TOR1AIP1: variants seen among roughly 807,000 people sequenced by gnomAD.
TOR1AIP1 encodes the protein torsin 1A interacting protein 1.
In TOR1AIP1, 54 loss-of-function variants were observed where a neutral mutation model predicts 63.3. The ratio of observed to expected loss-of-function variants is 0.85; its 90% confidence interval spans 0.69 to 1.07. TOR1AIP1 has a LOEUF of 1.07. Among genes scored for constraint, TOR1AIP1 ranks in the 50% least tolerant of loss-of-function variants. TOR1AIP1 has a pLI of 0.00. For missense variants in TOR1AIP1, 736 were observed against 715.0 expected, an observed-to-expected ratio of 1.03 and a Z score of -0.33; for synonymous variants, 294 against 273.5, an observed-to-expected ratio of 1.07 and a Z score of -0.74.
intron 5 of TOR1AIP1, among the ~76,000 whole-genome samples, chr1:179,903,613 TCTC>T (rs2148477996): frequency 6.6e-6 from 1 of 152,186 alleles, no homozygotes; most frequent in African/African-American, 2.4e-5. Flanking sequence ...TTCAAGCAGT[TCTC>T]CTGCCCTAAG....
intron 6 of TOR1AIP1, among the ~76,000 whole-genome samples, chr1:179,907,609 A>ATATATATATATATATG (rs1553243770): frequency 8.6e-5 from 2 of 23,382 alleles, no homozygotes; most frequent in African/African-American, 1.0e-4. Flanking sequence ...ATATATATAT[A>ATATATATATATATATG]TATATATATG....
At chr1:179,911,245 G>A (rs1648823554) in intron 8 of TOR1AIP1, among the ~76,000 whole-genome samples, 1 of 152,174 alleles carries the variant, frequency 6.6e-6, no homozygotes, top group African/African-American at 2.4e-5. Context: ...TTCAAACACT[G>A]TTATATAATA....
chr1:179,902,649 A>G (rs546896650), intron 5 of TOR1AIP1, among the ~76,000 whole-genome samples: 3 of 152,248 alleles, frequency 2.0e-5, no homozygotes, highest in Admixed American at 2.0e-4. Context: ...GATTTGTAAC[A>G]CGCTGGTAGT....
In TOR1AIP1 at chr1:179,882,919, G is replaced by A. The variant is rs1309147239; in HGVS notation, c.417G>A (p.Pro139=). 3 of 1,614,064 alleles carry A rather than the reference G, an allele frequency of 1.9e-6. No individual in the cohort carries two copies. The highest frequency in any genetic ancestry group is 2.5e-6 in the Non-Finnish European group (3 of 1,180,018). Residue 139 remains proline, a synonymous_variant, in exon 1 of 10, where the codon CCG becomes CCA. Transcript: ENST00000606911. ...RLQQQHSEQP[P]LQPSPVMTRR... is the part of the protein sequence containing the mutation. Reference sequence around the variant, plus strand: ...AGCAGCAGCACTCAGAGCAGCCTCCGCTACAGCCGTCTCCTGTTATGACCA... The same window carrying A: ...AGCAGCAGCACTCAGAGCAGCCTCCACTACAGCCGTCTCCTGTTATGACCA...
At chr1:179,891,012 T>G (rs1327660359) in intron 3 of TOR1AIP1, among the ~76,000 whole-genome samples, 2 of 152,162 alleles carry the variant, frequency 1.3e-5, no homozygotes, top group Non-Finnish European at 2.9e-5. Flanking sequence ...AATACTAATT[T>G]ATTATGTCAG....
At chr1:179,904,339 T>C (rs1648560694) in intron 6 of TOR1AIP1, among the ~76,000 whole-genome samples, 1 of 152,228 alleles carries the variant, frequency 6.6e-6, no homozygotes, top group Non-Finnish European at 1.5e-5. Flanking sequence ...TTTGAGCCTA[T>C]TTATATGCAC....
intron 3 of TOR1AIP1, 87 bp from the exon 4 acceptor site, chr1:179,900,039 A>G: frequency 1.0e-6 from 1 of 992,426 alleles, no homozygotes; most frequent in Non-Finnish European, 1.5e-6. Flanking sequence ...CCTAAGCTTT[A>G]ACTTTTTTCC....
Position 179,917,432 on chromosome 1 carries a change from T to C in TOR1AIP1, c.965-20T>C. The stretch of plus-strand genomic sequence containing the variant: ...AAGAAAGTGGTATTTATATCTGTCA[T>C]TTCTTTTTTGTCTGAGTAGAAGTGA... On this transcript the variant is annotated intron_variant, in intron 9 of 9. Coordinates refer to ENST00000606911, the MANE Select transcript of TOR1AIP1 (RefSeq NM_015602.4). 6.3e-7 allele frequency: 1 copy of C among 1,584,044 alleles called. No homozygotes were observed.
chr1:179,913,216 A>G (rs1648895583), intron 8 of TOR1AIP1, among the ~76,000 whole-genome samples: 1 of 150,812 alleles, frequency 6.6e-6, no homozygotes, highest in South Asian at 2.1e-4. Flanking sequence ...CTGTCACCTC[A>G]GCCTCTTGAT....
At position 179,884,765 on chromosome 1, in the gene TOR1AIP1, T is replaced by G. The variant is rs1169755604; in HGVS notation, c.549T>G (p.Ala183=). The change falls in exon 2 of 10, where the codon GCT becomes GCG. Residue 183 remains alanine, a synonymous_variant. Transcript: ENST00000606911. ...AAACTGTCAGGAGCATACAAGAGGC[T>G]CCAGGTAAGAATAGTTAACTTTTTG... ...SKKTVRSIQE[A]PVSEDLVIRL... is the part of the protein sequence containing the mutation. The G allele has an allele frequency of 1.9e-6, 3 of 1,606,848 alleles. No individual in the cohort carries two copies. The highest frequency in any genetic ancestry group is 2.5e-6 in the Non-Finnish European group (3 of 1,177,906).
intron 4 of TOR1AIP1, among the ~76,000 whole-genome samples, chr1:179,901,050 G>GT (rs1218919371): frequency 1.3e-5 from 2 of 152,106 alleles, no homozygotes; most frequent in African/African-American, 4.8e-5. Context: ...AAGCCTTATA[G>GT]TTTTTTAGAT....
At chr1:179,912,801 C>A (rs554658110) in intron 8 of TOR1AIP1, among the ~76,000 whole-genome samples, 2 of 152,216 alleles carry the variant, frequency 1.3e-5, no homozygotes, top group South Asian at 2.1e-4. Flanking sequence ...GTCATATGAT[C>A]AAAAATAAGG....
In TOR1AIP1 at chr1:179,887,137, C is replaced by T. The variant is rs539586490; in HGVS notation, c.554-2176C>T. ...GACCTAGGCCCGGCATGGTGGCTCA[C>T]GCCTGTAATCCCAGCACTTTGGGAG... is the stretch of plus-strand genomic sequence containing the variant. On this transcript the variant is annotated intron_variant, in intron 2 of 9. Transcript: ENST00000606911. Among the ~76,000 whole-genome samples, 11 of 152,258 alleles carry T rather than the reference C, an allele frequency of 7.2e-5. No homozygotes were observed. The South Asian group carries it at 2.1e-3, about 29-fold the overall frequency.
chr1:179,905,961 A>G (rs1214175372), intron 6 of TOR1AIP1, among the ~76,000 whole-genome samples: 2 of 152,198 alleles, frequency 1.3e-5, no homozygotes, highest in Non-Finnish European at 2.9e-5. Context: ...TCAAAAAAAA[A>G]GAAATACTAT....
At chr1:179,898,270 T>A (rs1475317875) in intron 3 of TOR1AIP1, among the ~76,000 whole-genome samples, 1 of 152,144 alleles carries the variant, frequency 6.6e-6, no homozygotes, top group African/African-American at 2.4e-5. Context: ...CTATGAACCT[T>A]ACTTATGAAA....
chr1:179,900,055 TTTTG>T, intron 3 of TOR1AIP1, 67 bp from the exon 4 acceptor site: 1 of 1,225,536 alleles, frequency 8.2e-7, no homozygotes, highest in Non-Finnish European at 1.2e-6. Flanking sequence ...TTTCCTAAGC[TTTTG>T]TTTATTCCTA....
At chr1:179,885,877 A>T (rs1424777397) in intron 2 of TOR1AIP1, among the ~76,000 whole-genome samples, 1 of 152,080 alleles carries the variant, frequency 6.6e-6, no homozygotes, top group Non-Finnish European at 1.5e-5. Flanking sequence ...AGTAGCTGGG[A>T]TTACAGGCGC....
rs1649121761 is a variant in TOR1AIP1, at chr1:179,919,331, A to G, written c.*1092A>G. 6.6e-6 allele frequency: 1 copy of G among 152,098 alleles called. No individual in the cohort carries two copies. Among genetic ancestry groups the G allele is most frequent in the African/African-American group, 2.4e-5 (1 of 41,414 alleles). 9.4% of individuals were successfully genotyped at this position (152,098 alleles called of 1,614,324 possible). On this transcript the variant is annotated 3_prime_UTR_variant, in exon 10 of 10. Coordinates refer to ENST00000606911, the MANE Select transcript of TOR1AIP1 (RefSeq NM_015602.4). ...GACACACCCTGAAGCTTTTGTTTTG[A>G]ATTAAGAAATGAGTTTCAGGAATTG...
At chr1:179,883,012 G>A (rs778706430) in intron 1 of TOR1AIP1, 35 bp downstream of exon 1, 1 of 1,576,828 alleles carries the variant, frequency 6.3e-7, no homozygotes, top group Admixed American at 1.8e-5. Flanking sequence ...CCAGCCGCGA[G>A]CCAGGGAACG....
Sources: gnomAD v4.1 joint callset for allele counts (sites outside exome capture counted in the v4.1 genomes callset) on GRCh38, gnomAD v4.1.1 for gene constraint, MANE v1.5 for transcripts, NCBI Gene and HGNC (gene_info 2026-07-23, HGNC 2026-07-21) for gene names.